The following SOCS4 variants were observed in gnomAD, a reference collection of about 807,000 sequenced individuals.
The protein encoded by SOCS4 is SH2 domain containing SOCS box protein.
A neutral mutation model predicts 34.1 loss-of-function variants in SOCS4; 20 were observed. The observed-to-expected ratio is 0.59, with a 90% CI of 0.41 to 0.85. SOCS4 has a LOEUF of 0.85. Ranked by LOEUF, SOCS4 falls within the 40% of genes least tolerant of loss-of-function variation. The probability of loss-of-function intolerance (pLI) is 0.00; values close to 1 mark genes in which losing one functional copy is unlikely to be tolerated. For synonymous variants in SOCS4, 180 were observed against 186.4 expected, an observed-to-expected ratio of 0.97 and a Z score of 0.28; for missense variants, 479 against 532.4, an observed-to-expected ratio of 0.90 and a Z score of 0.99.
chr14:55,029,882 G>A (rs111630182), intron 1 of SOCS4, among the ~76,000 whole-genome samples: 396 of 152,166 alleles, frequency 2.6e-3, no homozygotes, highest in Non-Finnish European at 4.5e-3. Flanking sequence ...AGTAAAAGTC[G>A]TCCTCCTACT....
chr14:55,044,546 C>A lies in SOCS4; in HGVS notation c.*182C>A, dbSNP rs768616608. On this transcript the variant is annotated 3_prime_UTR_variant, in exon 3 of 3. Coordinates refer to ENST00000555846, the MANE Select transcript of SOCS4 (RefSeq NM_199421.2). ...CACAAATTGTTTAAGGTTATACACTCGAGCTTAAATAGATATTTTTAACCA... is the reference window on the plus strand; with the variant it reads ...CACAAATTGTTTAAGGTTATACACTAGAGCTTAAATAGATATTTTTAACCA... 2.9e-6 allele frequency: 1 copy of A among 341,700 alleles called. No individual in the cohort carries two copies. Among genetic ancestry groups the A allele is most frequent in the Non-Finnish European group, 5.3e-6 (1 of 189,956 alleles). The allele number at this position is 341,700 out of a possible 1,614,324, so 21.2% of individuals were successfully genotyped here. A position where few individuals can be genotyped will look rare whatever the true frequency, so the allele number is the denominator to read the frequency against.
chr14:55,032,095 C>A (rs997346406), intron 2 of SOCS4, 104 bp downstream of exon 2: 1 of 152,234 alleles, frequency 6.6e-6, no homozygotes. Context: ...CTGAATTATT[C>A]TTTATAGGAT....
intron 2 of SOCS4, among the ~76,000 whole-genome samples, chr14:55,034,937 T>C (rs1285260612): frequency 6.6e-6 from 1 of 150,908 alleles, no homozygotes; most frequent in Non-Finnish European, 1.5e-5. Context: ...CTTGGCTCAC[T>C]GCAACCGCCG....
At chr14:55,040,142 A>G (rs866925852) in intron 2 of SOCS4, among the ~76,000 whole-genome samples, 9 of 152,240 alleles carry the variant, frequency 5.9e-5, no homozygotes, top group Non-Finnish European at 1.2e-4. Flanking sequence ...TGAACAGCCA[A>G]AGCAGGCAGT....
At chr14:55,036,246 TTATCTC>T (rs1324403943) in intron 2 of SOCS4, among the ~76,000 whole-genome samples, 2 of 152,086 alleles carry the variant, frequency 1.3e-5, no homozygotes, top group Admixed American at 6.5e-5. Flanking sequence ...TATCTCCTCT[TTATCTC>T]TAGGCTTCTA....
In SOCS4 at chr14:55,045,876, TTTC is replaced by T. The variant is rs1034237011; in HGVS notation, c.*1516_*1518del. Reference sequence around the variant, plus strand: ...ATAAACTTCCAAGTTAGAACAAATATTTCTTCATTATTGTTGCTTTTATGTGAG... The same window carrying T: ...ATAAACTTCCAAGTTAGAACAAATATTTCATTATTGTTGCTTTTATGTGAG... On this transcript the variant is annotated 3_prime_UTR_variant, in exon 3 of 3. Coordinates refer to ENST00000555846, the MANE Select transcript of SOCS4 (RefSeq NM_199421.2). 6.0e-6 allele frequency: 1 copy of T among 166,966 alleles called. No homozygotes were observed. Among genetic ancestry groups the T allele is most frequent in the Non-Finnish European group, 1.5e-5 (1 of 67,990 alleles). 10.3% of individuals were successfully genotyped at this position (166,966 alleles called of 1,614,324 possible).
chr14:55,039,384 GCCATGATTGCA>G (rs2042598192), intron 2 of SOCS4, among the ~76,000 whole-genome samples: 2 of 152,144 alleles, frequency 1.3e-5, no homozygotes, highest in South Asian at 4.1e-4. Context: ...GCTGCAGCAA[GCCATGATTGCA>G]CCACTGCACT....
At position 55,043,414 on chromosome 14, in the gene SOCS4, A is replaced by C. The variant is rs200924926; in HGVS notation, c.373A>C (p.Ser125Arg). 343 of 1,614,064 alleles carry C rather than the reference A, an allele frequency of 2.1e-4. No individual in the cohort carries two copies. The highest frequency in any genetic ancestry group is 2.8e-4 in the Non-Finnish European group (328 of 1,180,034). Residue 125 changes from serine (S) to arginine (R), a missense_variant, in exon 3 of 3, where the codon AGT (serine) becomes CGT (arginine). Ser to Arg is a moderately radical substitution (Grantham distance 110). Coordinates refer to ENST00000555846, the MANE Select transcript of SOCS4 (RefSeq NM_199421.2). Reference sequence around the variant, plus strand: ...TCCGTCTAAAAGGAAAATTCATATCAGTGAACTCATGTTAGATAAGTGTCC... The same window carrying C: ...TCCGTCTAAAAGGAAAATTCATATCCGTGAACTCATGTTAGATAAGTGTCC... ...GLPSKRKIHI[S>R]ELMLDKCPFP...
chr14:55,043,164 A>G lies in SOCS4; in HGVS notation c.123A>G (p.Lys41=). The change falls in exon 3 of 3, where the codon AAA becomes AAG. Residue 41 remains lysine, a synonymous_variant. Transcript: ENST00000555846. ...VWSGKKLSWS[K]KSESYSDAET... The stretch of plus-strand genomic sequence containing the variant: ...GTGGAAAGAAGTTATCTTGGTCAAA[A>G]AAGAGTGAGAGTTATTCAGATGCTG... 6.2e-7 allele frequency: 1 copy of G among 1,614,256 alleles called. No individual in the cohort carries two copies. The highest frequency in any genetic ancestry group is 1.3e-5 in the African/African-American group (1 of 75,074).
At chr14:55,036,132 G>A (rs1471298910) in intron 2 of SOCS4, among the ~76,000 whole-genome samples, 2 of 152,190 alleles carry the variant, frequency 1.3e-5, no homozygotes, top group East Asian at 3.8e-4. Flanking sequence ...AGTGGTTACT[G>A]CTGGGTGGTG....
rs1383477079 is a variant in SOCS4, at chr14:55,047,833, T to C, written c.*3469T>C. Reference sequence around the variant, plus strand: ...GAGCCAAAGCCATTAAGAAGATAAATCCAGTTATCAGCTTCCTGTCTCTGA... The same window carrying C: ...GAGCCAAAGCCATTAAGAAGATAAACCCAGTTATCAGCTTCCTGTCTCTGA... On this transcript the variant is annotated 3_prime_UTR_variant, in exon 3 of 3. Transcript: ENST00000555846. 13 of 167,110 alleles carry C rather than the reference T, an allele frequency of 7.8e-5. No homozygotes were observed. The Admixed American group carries it at 8.5e-4, about 11-fold the overall frequency. The allele number at this position is 167,110 out of a possible 1,614,324, so 10.4% of individuals were successfully genotyped here.
chr14:55,029,992 C>T (rs772538387), intron 1 of SOCS4, among the ~76,000 whole-genome samples: 4 of 152,114 alleles, frequency 2.6e-5, no homozygotes, highest in Admixed American at 6.5e-5. Flanking sequence ...ATGAGATAAT[C>T]AGTGTTATAT....
At chr14:55,027,945 A>G (rs759787600) in intron 1 of SOCS4, among the ~76,000 whole-genome samples, 13 of 152,250 alleles carry the variant, frequency 8.5e-5, no homozygotes, top group Non-Finnish European at 1.6e-4. Flanking sequence ...AATATCTGCT[A>G]AAGTCTTGGC....
At position 55,044,466 on chromosome 14, in the gene SOCS4, C is replaced by T. The variant is rs116509389; in HGVS notation, c.*102C>T. The stretch of plus-strand genomic sequence containing the variant: ...GATTTTTCTACAAAGGCAGTGGTGT[C>T]CAAAATAAAATCTCTGCCCTAAATT... On this transcript the variant is annotated 3_prime_UTR_variant, in exon 3 of 3. Transcript: ENST00000555846. 2.2e-3 allele frequency: 1,926 copies of T among 888,232 alleles called. 26 individuals are homozygous for T. In the African/African-American group the frequency reaches 0.03, roughly 14 times the overall value. The allele number at this position is 888,232 out of a possible 1,614,324, so 55.0% of individuals were successfully genotyped here. A position where few individuals can be genotyped will look rare whatever the true frequency, so the allele number is the denominator to read the frequency against.
intron 1 of SOCS4, among the ~76,000 whole-genome samples, chr14:55,029,414 A>T (rs2140241004): frequency 6.6e-6 from 1 of 152,262 alleles, no homozygotes; most frequent in East Asian, 1.9e-4. Context: ...TCACAGATTG[A>T]ATTGCAGTGA....
chr14:55,037,517 G>A, intron 2 of SOCS4, among the ~76,000 whole-genome samples: 1 of 148,946 alleles, frequency 6.7e-6, no homozygotes, highest in East Asian at 2.0e-4. Flanking sequence ...TTTTTAGAAG[G>A]AATTTCACTC....
chr14:55,049,419 T>G lies in SOCS4; in HGVS notation c.*5055T>G, dbSNP rs115948544. ...TAAGTTGAATGTTTCTTCTTGGATG[T>G]AAGTTCAAATAAATTGATCTGGATA... On this transcript the variant is annotated 3_prime_UTR_variant, in exon 3 of 3. Coordinates refer to ENST00000555846, the MANE Select transcript of SOCS4 (RefSeq NM_199421.2). 6.0e-6 allele frequency: 1 copy of G among 167,120 alleles called. No individual in the cohort carries two copies. Among genetic ancestry groups the G allele is most frequent in the African/African-American group, 2.4e-5 (1 of 41,468 alleles). The allele number at this position is 167,120 out of a possible 1,614,324, so 10.4% of individuals were successfully genotyped here.
chr14:55,038,332 T>C (rs2042590320), intron 2 of SOCS4, among the ~76,000 whole-genome samples: 2 of 152,312 alleles, frequency 1.3e-5, no homozygotes, highest in South Asian at 2.1e-4. Flanking sequence ...TGTTCTTTCA[T>C]AGTTTAGAGT....
rs1196244019 is a variant in SOCS4 at position 55,043,098 on chromosome 14, T to C, written c.57T>C (p.Ser19=). 1.1e-5 allele frequency: 17 copies of C among 1,613,830 alleles called. No individual in the cohort carries two copies. The South Asian group carries it at 1.9e-4, about 18-fold the overall frequency. ...SKNVDVRPKT[S]RSRSADRKDG... ...ATGTAGATGTAAGGCCCAAAACTAG[T>C]CGGAGCAGAAGTGCCGACAGAAAAG... The change falls in exon 3 of 3, where the codon AGT becomes AGC. Residue 19 remains serine (S), a synonymous_variant. Coordinates refer to ENST00000555846, the MANE Select transcript of SOCS4 (RefSeq NM_199421.2).
Sources: gnomAD v4.1 joint callset for allele counts (sites outside exome capture counted in the v4.1 genomes callset) on GRCh38, gnomAD v4.1.1 for gene constraint, MANE v1.5 for transcripts, NCBI Gene and HGNC (gene_info 2026-07-23, HGNC 2026-07-21) for gene names.